GIGYF2: variants seen among roughly 807,000 people sequenced by gnomAD.
GIGYF2 encodes the protein GRB10-interacting GYF protein 2.
A neutral mutation model predicts 208.1 loss-of-function variants in GIGYF2; 25 were observed. The ratio of observed to expected loss-of-function variants is 0.12; its 90% confidence interval spans 0.09 to 0.17. The LOEUF (loss-of-function observed/expected upper bound fraction) is 0.17, where lower values mean the gene tolerates loss of function less well. Among genes scored for constraint, GIGYF2 ranks in the 10% least tolerant of loss-of-function variants. The probability of loss-of-function intolerance (pLI) is 1.00; values close to 1 mark genes in which losing one functional copy is unlikely to be tolerated. For missense variants in GIGYF2, 1,302 were observed against 1,579.4 expected (o/e 0.82, Z 2.98); for synonymous variants, 534 against 543.8 (o/e 0.98, Z 0.25).
In GIGYF2 at chr2:232,858,906, T is replaced by A. The variant is rs1690672824; in HGVS notation, c.*2046T>A. On this transcript the variant is annotated 3_prime_UTR_variant, in exon 29 of 29. Transcript: ENST00000373563. ...CCTCATACCGCAGACACACCCACTC[T>A]GAACACACCCCTCCAGAGCTTGCCC... The A allele has an allele frequency of 4.9e-6, 1 of 205,290 alleles. No homozygotes were observed. The highest frequency in any genetic ancestry group is 2.3e-5 in the African/African-American group (1 of 42,780). 12.7% of individuals were successfully genotyped at this position (205,290 alleles called of 1,614,324 possible). A position where few individuals can be genotyped will look rare whatever the true frequency, so the allele number is the denominator to read the frequency against.
intron 21 of GIGYF2, chr2:232,828,707 G>A (rs989148189): frequency 2.1e-4 from 32 of 152,132 alleles, no homozygotes; most frequent in Admixed American, 2.0e-3. Flanking sequence ...TAGTGTCACT[G>A]AAGTTAGTAT....
In GIGYF2 at chr2:232,856,815, G is replaced by A. The variant is rs34424361; in HGVS notation, c.3855G>A (p.Ser1285=). The part of the protein sequence containing the change: ...SLLGFSVNAS[S]ERLNMGEIET... ...CAGGATTTTCAGTCAATGCATCATC[G>A]GAGCGACTCAACATGGGTGAAATCG... The change falls in exon 29 of 29, where the codon TCG becomes TCA. Residue 1285 remains serine, a synonymous_variant. Transcript: ENST00000373563. 29,253 of 1,613,144 alleles carry A rather than the reference G, an allele frequency of 0.018. 332 individuals are homozygous for A. The highest frequency in any genetic ancestry group is 0.019 in the Non-Finnish European group (22,897 of 1,179,136).
At chr2:232,762,073 C>T (rs939969472) in intron 8 of GIGYF2, among the ~76,000 whole-genome samples, 2 of 151,482 alleles carry the variant, frequency 1.3e-5, no homozygotes, top group Admixed American at 6.6e-5. Context: ...TACTACCTTA[C>T]AAACTACCAG....
At chr2:232,828,101 C>T (rs1701305448) in intron 21 of GIGYF2, among the ~76,000 whole-genome samples, 1 of 152,064 alleles carries the variant, frequency 6.6e-6, no homozygotes, top group Admixed American at 6.5e-5. Flanking sequence ...GTGATCCTCT[C>T]ACCTCAGTCT....
At chr2:232,710,434 G>A (rs1696337199) in intron 2 of GIGYF2, among the ~76,000 whole-genome samples, 1 of 152,004 alleles carries the variant, frequency 6.6e-6, no homozygotes, top group Non-Finnish European at 1.5e-5. Flanking sequence ...TCTGTCTGTG[G>A]GTCTTTTGTC....
rs576185832 is a variant in GIGYF2, at chr2:232,860,244, G to A, written c.*3384G>A. ...ACCCCTGGGCTCAAGTGATCCTGTTGCCTCAGCCTCCCAAGTAGCTGGGAC... is the reference window on the plus strand; with the variant it reads ...ACCCCTGGGCTCAAGTGATCCTGTTACCTCAGCCTCCCAAGTAGCTGGGAC... On this transcript the variant is annotated 3_prime_UTR_variant, in exon 29 of 29. Transcript: ENST00000373563. 3 of 152,060 alleles carry A rather than the reference G, an allele frequency of 2.0e-5. No individual in the cohort carries two copies. Among genetic ancestry groups the A allele is most frequent in the Admixed American group, 6.6e-5 (1 of 15,266 alleles). 9.4% of individuals were successfully genotyped at this position (152,060 alleles called of 1,614,324 possible).
intron 2 of GIGYF2, among the ~76,000 whole-genome samples, chr2:232,733,207 T>C (rs1697580921): frequency 6.8e-6 from 1 of 147,598 alleles, no homozygotes; most frequent in Admixed American, 6.9e-5. Context: ...CAGTGAGCCG[T>C]GATCGCGCCA....
At chr2:232,826,867 A>G (rs1364693293) in intron 21 of GIGYF2, among the ~76,000 whole-genome samples, 1 of 152,236 alleles carries the variant, frequency 6.6e-6, no homozygotes, top group Non-Finnish European at 1.5e-5. Context: ...AGAAATTGCT[A>G]CAGTCATCCC....
At chr2:232,729,672 G>A in intron 2 of GIGYF2, 1 of 876,260 alleles carries the variant, frequency 1.1e-6, no homozygotes. Flanking sequence ...ACTTGAACTA[G>A]TTTAGATGAG....
At chr2:232,848,646 A>G (rs557457762) in intron 27 of GIGYF2, among the ~76,000 whole-genome samples, 1 of 150,366 alleles carries the variant, frequency 6.7e-6, no homozygotes, top group East Asian at 1.9e-4. Flanking sequence ...ACAAACAAAC[A>G]AAAAGTGAAA....
intron 8 of GIGYF2, among the ~76,000 whole-genome samples, chr2:232,762,345 C>T (rs748673488): frequency 4.6e-5 from 7 of 150,750 alleles, no homozygotes; most frequent in Admixed American, 1.3e-4. Flanking sequence ...CTATGCCTCC[C>T]GGGTTCAAGT....
intron 20 of GIGYF2, among the ~76,000 whole-genome samples, chr2:232,818,740 T>C (rs961187103): frequency 6.6e-6 from 1 of 152,298 alleles, no homozygotes; most frequent in South Asian, 2.1e-4. Context: ...AATTATGTCA[T>C]CTTTCCATGT....
At chr2:232,801,537 A>G (rs1374852871) in intron 14 of GIGYF2, among the ~76,000 whole-genome samples, 1 of 152,234 alleles carries the variant, frequency 6.6e-6, no homozygotes, top group Non-Finnish European at 1.5e-5. Context: ...TATACATTAT[A>G]TATTTGTTGT....
chr2:232,815,699 G>A lies in GIGYF2; in HGVS notation c.2170G>A (p.Glu724Lys), dbSNP rs1440800570. ...LDTTTPGPAL[E>K]QLQQLEKAKA... ...CACCACGACACCAGGCCCTGCCCTG[G>A]AACAGCTTCAGCAGCTAGAGAAGGC... Residue 724 changes from glutamate (E) to lysine (K), a missense_variant, in exon 19 of 29, where the codon GAA becomes AAA. Glu to Lys is a moderately conservative substitution (Grantham distance 56). Around this residue, in one of 8 missense-constraint regions of GIGYF2, gnomAD observed 701 missense variants for 793.0 expected, o/e 0.88. Coordinates refer to ENST00000373563, the MANE Select transcript of GIGYF2 (RefSeq NM_001103146.3). The A allele has an allele frequency of 1.2e-6, 2 of 1,608,264 alleles. No homozygotes were observed. The highest frequency in any genetic ancestry group is 1.3e-5 in the African/African-American group (1 of 74,790).
intron 2 of GIGYF2, chr2:232,729,888 A>G (rs1697376168): frequency 1.4e-6 from 1 of 739,634 alleles, no homozygotes. Context: ...ATCAGCTCCA[A>G]AGAGATCAAT....
chr2:232,801,255 G>A (rs1419621543), intron 14 of GIGYF2, among the ~76,000 whole-genome samples: 1 of 151,958 alleles, frequency 6.6e-6, no homozygotes, highest in African/African-American at 2.4e-5. Flanking sequence ...GGGGCTGGGC[G>A]TGGTGGCTCA....
At chr2:232,844,283 G>A (rs1421636628) in intron 24 of GIGYF2, 28 bp downstream of exon 24, 1 of 1,608,632 alleles carries the variant, frequency 6.2e-7, no homozygotes, top group Non-Finnish European at 8.5e-7. Flanking sequence ...AGCTGTCGTT[G>A]TATGGACTAG....
intron 8 of GIGYF2, among the ~76,000 whole-genome samples, chr2:232,782,351 C>G (rs1357773757): frequency 6.6e-6 from 1 of 152,152 alleles, no homozygotes; most frequent in Non-Finnish European, 1.5e-5. Flanking sequence ...GCGTGAGCCA[C>G]CATGCCTGGC....
chr2:232,811,013 C>T, intron 16 of GIGYF2: 2 of 468,718 alleles, frequency 4.3e-6, no homozygotes, highest in Non-Finnish European at 7.7e-6. Flanking sequence ...AATTTTTTTG[C>T]TATCCTCTTT....
Sources: gnomAD v4.1 joint callset for allele counts (sites outside exome capture counted in the v4.1 genomes callset) on GRCh38, gnomAD v4.1.1 for gene constraint, gnomAD v4.1.1 regional missense constraint, MANE v1.5 for transcripts, NCBI Gene and HGNC (gene_info 2026-07-23, HGNC 2026-07-21) for gene names.